ROBO1: variants seen among roughly 807,000 people sequenced by gnomAD.
ROBO1 encodes roundabout homolog 1.
ROBO1 carries 149 observed loss-of-function variants against 195.9 expected under a neutral mutation model. That is an observed-to-expected ratio of 0.76 (90% CI 0.67 to 0.87). The LOEUF is 0.87. Among genes scored for constraint, ROBO1 ranks in the 40% least tolerant of loss-of-function variants. The pLI, the probability that ROBO1 is intolerant of heterozygous loss-of-function variation, is 0.00. For missense variants in ROBO1, 1,933 were observed against 2,068.3 expected (o/e 0.93, Z 1.27); for synonymous variants, 816 against 733.2 (o/e 1.11, Z -1.82).
At chr3:79,681,569 C>T (rs1031745543) in intron 1 of ROBO1, among the ~76,000 whole-genome samples, 1 of 151,794 alleles carries the variant, frequency 6.6e-6, no homozygotes, top group Non-Finnish European at 1.5e-5. Context: ...TGAGTGTTAC[C>T]TTGTATTGTG....
intron 24 of ROBO1, 91 bp downstream of exon 24, chr3:78,633,844 A>G: frequency 2.8e-6 from 2 of 721,556 alleles, no homozygotes; most frequent in Non-Finnish European, 4.6e-6. Context: ...TAGACATGTC[A>G]CCTACATACG....
At chr3:79,391,532 C>T (rs1322793805) in intron 2 of ROBO1, among the ~76,000 whole-genome samples, 1 of 152,032 alleles carries the variant, frequency 6.6e-6, no homozygotes, top group Non-Finnish European at 1.5e-5. Context: ...TCCCACAAAC[C>T]TCCCACTTCC....
At chr3:79,613,692 G>A (rs1944733862) in intron 1 of ROBO1, among the ~76,000 whole-genome samples, 1 of 152,060 alleles carries the variant, frequency 6.6e-6, no homozygotes, top group African/African-American at 2.4e-5. Context: ...AACTGTTTTA[G>A]ATATGAAAGT....
chr3:78,673,533 A>T (rs898551814), intron 10 of ROBO1, among the ~76,000 whole-genome samples: 23 of 136,538 alleles, frequency 1.7e-4, no homozygotes, highest in African/African-American at 6.1e-4. Flanking sequence ...ATATAAATAT[A>T]TATATATTAC....
chr3:78,760,114 G>A (rs1317756645), intron 4 of ROBO1, among the ~76,000 whole-genome samples: 2 of 152,068 alleles, frequency 1.3e-5, no homozygotes, highest in Non-Finnish European at 2.9e-5. Flanking sequence ...AACCTCTTGC[G>A]CTTGGCTCTC....
chr3:78,765,015 A>G (rs572439089), intron 4 of ROBO1, among the ~76,000 whole-genome samples: 47 of 152,318 alleles, frequency 3.1e-4, no homozygotes, highest in African/African-American at 1.1e-3. Context: ...TCATCAATGA[A>G]TCAATACACA....
chr3:79,084,484 C>A (rs527538365), intron 3 of ROBO1, among the ~76,000 whole-genome samples: 1 of 151,910 alleles, frequency 6.6e-6, no homozygotes, highest in Non-Finnish European at 1.5e-5. Context: ...GCAACAAGAG[C>A]GAAACTCCAT....
At position 78,606,970 on chromosome 3, in the gene ROBO1, C is replaced by T; in HGVS notation, c.4507G>A (p.Val1503Ile). 6.2e-7 allele frequency: 1 copy of T among 1,613,904 alleles called. No homozygotes were observed. ...AGTTTTGGCACCACTACAGGTCGTA[C>T]TTCCAGCTGTGTCTTGGATTGGGCA... is the stretch of plus-strand genomic sequence containing the variant. ...PTAQSKTQLE[V>I]RPVVVPKLPS... Residue 1503 changes from valine to isoleucine, a missense_variant, in exon 29 of 31, where the codon GTA becomes ATA. Val to Ile is a conservative substitution (Grantham distance 29, BLOSUM62 3). Coordinates refer to ENST00000464233, the MANE Select transcript of ROBO1 (RefSeq NM_002941.4).
Position 79,102,073 on chromosome 3 carries a change from T to C in ROBO1, c.172+23383A>G, listed in dbSNP as rs1466377147. On this transcript the variant is annotated intron_variant, in intron 3 of 30. Transcript: ENST00000464233. The stretch of plus-strand genomic sequence containing the variant: ...TAATGTTGATCAGTATTTGTACATA[T>C]GTAGATCCATTTTTATTAAAATTAT... Among the ~76,000 whole-genome samples the C allele has an allele frequency of 3.3e-5, 5 of 151,930 alleles. 1 individual carries two copies. The highest frequency in any genetic ancestry group is 6.8e-3 in the Middle Eastern group (2 of 294).
chr3:79,709,628 A>G (rs1702194489), intron 1 of ROBO1, among the ~76,000 whole-genome samples: 1 of 151,706 alleles, frequency 6.6e-6, no homozygotes, highest in Non-Finnish European at 1.5e-5. Flanking sequence ...TTTACTAGAC[A>G]CTAGATACTG....
intron 2 of ROBO1, among the ~76,000 whole-genome samples, chr3:79,547,391 C>G (rs1942311243): frequency 6.6e-6 from 1 of 151,772 alleles, no homozygotes; most frequent in South Asian, 2.1e-4. Flanking sequence ...AAAATGAGAA[C>G]TAAGATGATT....
At chr3:79,604,179 C>T (rs1208991464) in intron 1 of ROBO1, among the ~76,000 whole-genome samples, 1 of 151,738 alleles carries the variant, frequency 6.6e-6, no homozygotes, top group Non-Finnish European at 1.5e-5. Context: ...CTATTTTAGG[C>T]AAGTTTGAGA....
chr3:79,665,686 A>G (rs1946457753), intron 1 of ROBO1, among the ~76,000 whole-genome samples: 1 of 151,962 alleles, frequency 6.6e-6, no homozygotes, highest in African/African-American at 2.4e-5. Flanking sequence ...GAAGGATTTG[A>G]GTGAAAAAAT....
intron 1 of ROBO1, among the ~76,000 whole-genome samples, chr3:79,643,441 C>T (rs1458740075): frequency 6.6e-6 from 1 of 152,076 alleles, no homozygotes; most frequent in Admixed American, 6.6e-5. Flanking sequence ...TTCTACCTCT[C>T]TAGAAAACCC....
At chr3:79,201,644 T>C (rs1464928532) in intron 2 of ROBO1, among the ~76,000 whole-genome samples, 1 of 151,916 alleles carries the variant, frequency 6.6e-6, no homozygotes, top group Admixed American at 6.6e-5. Flanking sequence ...AAATGTCAGA[T>C]CTTCCTGTTT....
At chr3:79,309,008 C>T (rs533760948) in intron 2 of ROBO1, among the ~76,000 whole-genome samples, 85 of 151,816 alleles carry the variant, frequency 5.6e-4, no homozygotes, top group Admixed American at 2.2e-3. Context: ...ACAGCTAAAA[C>T]TTGTCATAGG....
chr3:79,406,268 A>C, intron 2 of ROBO1, among the ~76,000 whole-genome samples: 1 of 147,220 alleles, frequency 6.8e-6, no homozygotes, highest in East Asian at 2.0e-4. Flanking sequence ...AAAAATCTCT[A>C]AAAAAAAAAG....
intron 2 of ROBO1, among the ~76,000 whole-genome samples, chr3:79,537,231 T>C (rs768349325): frequency 8.5e-5 from 13 of 152,064 alleles, no homozygotes; most frequent in Non-Finnish European, 1.8e-4. Flanking sequence ...CTCTAGCTTC[T>C]AGGGGAAGAA....
At chr3:79,505,896 G>A (rs1050147585) in intron 2 of ROBO1, among the ~76,000 whole-genome samples, 13 of 152,160 alleles carry the variant, frequency 8.5e-5, no homozygotes, top group Non-Finnish European at 1.8e-4. Context: ...TGATAGACAT[G>A]GGTAAGGGAG....
Sources: gnomAD v4.1 joint callset for allele counts (sites outside exome capture counted in the v4.1 genomes callset) on GRCh38, gnomAD v4.1.1 for gene constraint, MANE v1.5 for transcripts, NCBI Gene and HGNC (gene_info 2026-07-23, HGNC 2026-07-21) for gene names.